The following ERC2 variants were observed in gnomAD, a reference collection of about 807,000 sequenced individuals.
ERC2 encodes ERC protein 2.
In ERC2, 42 loss-of-function variants were observed where a neutral mutation model predicts 114.8. The ratio of observed to expected loss-of-function variants is 0.37; its 90% CI spans 0.29 to 0.47. ERC2 has a LOEUF of 0.47. ERC2 is among the 20% of genes least tolerant of loss of function. The pLI is 0.99. For synonymous variants in ERC2, 454 were observed against 425.5 expected (o/e 1.07, Z -0.82); for missense variants, 939 against 1,150.7 (o/e 0.82, Z 2.66).
intron 14 of ERC2, among the ~76,000 whole-genome samples, chr3:55,766,276 A>G (rs77743021): frequency 6.7e-6 from 1 of 150,228 alleles, no homozygotes; most frequent in Non-Finnish European, 1.5e-5. Flanking sequence ...TCCACAAGAA[A>G]AAAAAAAAAA....
chr3:55,874,676 G>A (rs1019892176), intron 14 of ERC2, among the ~76,000 whole-genome samples: 1 of 152,080 alleles, frequency 6.6e-6, no homozygotes, highest in Admixed American at 6.6e-5. Context: ...AACAGAATTC[G>A]CCACAGATGA....
At chr3:55,992,838 T>C (rs1359907904) in intron 10 of ERC2, among the ~76,000 whole-genome samples, 1 of 152,198 alleles carries the variant, frequency 6.6e-6, no homozygotes, top group African/African-American at 2.4e-5. Flanking sequence ...CTAACAGTTA[T>C]ACCCATAAAT....
intron 2 of ERC2, among the ~76,000 whole-genome samples, chr3:56,312,758 A>C (rs2056653765): frequency 1.3e-5 from 2 of 151,480 alleles, no homozygotes; most frequent in African/African-American, 4.9e-5. Context: ...GAAAACCATG[A>C]GGAGTCTGTG....
At chr3:55,592,249 A>C (rs2057927161) in intron 17 of ERC2, among the ~76,000 whole-genome samples, 1 of 152,216 alleles carries the variant, frequency 6.6e-6, no homozygotes, top group African/African-American at 2.4e-5. Flanking sequence ...GTATCTGGGC[A>C]CAAGCTTTGC....
chr3:56,162,057 C>T (rs2082077369), intron 4 of ERC2, among the ~76,000 whole-genome samples: 1 of 152,082 alleles, frequency 6.6e-6, no homozygotes, highest in Non-Finnish European at 1.5e-5. Flanking sequence ...AGGTATGTTG[C>T]TTCAATGCCT....
chr3:56,323,299 G>T (rs147778557), intron 2 of ERC2, among the ~76,000 whole-genome samples: 1 of 152,166 alleles, frequency 6.6e-6, no homozygotes, highest in Non-Finnish European at 1.5e-5. Flanking sequence ...CACCCAAAAC[G>T]ATAGAGGAAA....
intron 1 of ERC2, among the ~76,000 whole-genome samples, chr3:56,464,896 A>G (rs2063473691): frequency 6.6e-6 from 1 of 152,170 alleles, no homozygotes; most frequent in Non-Finnish European, 1.5e-5. Flanking sequence ...GAAAAAAAAA[A>G]AGGCTAGAGG....
At chr3:56,321,211 G>A (rs1000840941) in intron 2 of ERC2, among the ~76,000 whole-genome samples, 2 of 152,086 alleles carry the variant, frequency 1.3e-5, no homozygotes, top group African/African-American at 4.8e-5. Flanking sequence ...CGTGTGAAAA[G>A]AGAAGACAAA....
chr3:55,837,972 A>T (rs1489831474), intron 14 of ERC2, among the ~76,000 whole-genome samples: 1 of 67,888 alleles, frequency 1.5e-5, no homozygotes, highest in African/African-American at 1.5e-4. Flanking sequence ...ACCAGGAATT[A>T]AAAAAAAAGA....
intron 7 of ERC2, among the ~76,000 whole-genome samples, chr3:56,036,995 C>A (rs192716399): frequency 6.6e-6 from 1 of 152,136 alleles, no homozygotes; most frequent in Non-Finnish European, 1.5e-5. Flanking sequence ...AAAGCAACAA[C>A]GACAACGACG....
At chr3:56,354,963 C>CAA (rs1409080119) in intron 2 of ERC2, among the ~76,000 whole-genome samples, 1 of 152,164 alleles carries the variant, frequency 6.6e-6, no homozygotes, top group Non-Finnish European at 1.5e-5. Flanking sequence ...ATAAATGAAA[C>CAA]AATATGCAGA....
At chr3:55,950,694 C>T (rs1233935600) in intron 12 of ERC2, 134 bp from the exon 13 acceptor site, 9 of 988,700 alleles carry the variant, frequency 9.1e-6, no homozygotes, top group South Asian at 3.2e-5. Flanking sequence ...TCTGAATAAT[C>T]CATTCATTCA....
At chr3:56,118,606 T>C (rs1408011622) in intron 6 of ERC2, among the ~76,000 whole-genome samples, 1 of 151,984 alleles carries the variant, frequency 6.6e-6, no homozygotes, top group East Asian at 1.9e-4. Flanking sequence ...TTCCCAGTTT[T>C]CTAAGGAAGT....
chr3:55,534,013 T>C (rs190144925), intron 17 of ERC2, among the ~76,000 whole-genome samples: 6 of 152,246 alleles, frequency 3.9e-5, no homozygotes. Flanking sequence ...TTACTGGTCA[T>C]GTGCCTTGGG....
At chr3:55,901,836 ATGT>A (rs2064152274) in intron 13 of ERC2, among the ~76,000 whole-genome samples, 1 of 152,228 alleles carries the variant, frequency 6.6e-6, no homozygotes, top group Non-Finnish European at 1.5e-5. Flanking sequence ...GATAATTTTC[ATGT>A]TGTAAATGCC....
At chr3:56,041,119 T>C (rs933224949) in intron 7 of ERC2, among the ~76,000 whole-genome samples, 1 of 152,160 alleles carries the variant, frequency 6.6e-6, no homozygotes, top group African/African-American at 2.4e-5. Flanking sequence ...ACAGGTTTCT[T>C]GGTATAATGG....
intron 17 of ERC2, among the ~76,000 whole-genome samples, chr3:55,610,060 C>CAAAAAAAAAAAAAAAAAA (rs1172154104): frequency 3.8e-4 from 19 of 50,422 alleles, no homozygotes; most frequent in East Asian, 1.9e-3. Flanking sequence ...CAAACAAACA[C>CAAAAAAAAAAAAAAAAAA]AAACAAAAAA....
At chr3:55,888,367 C>G (rs759618366) in intron 14 of ERC2, 22 bp downstream of exon 14, 2 of 1,613,040 alleles carry the variant, frequency 1.2e-6, no homozygotes, top group South Asian at 2.2e-5. Context: ...GAGAGGCTAC[C>G]AAAGCAGCAA....
At chr3:55,980,947 G>C (rs2070079727) in intron 12 of ERC2, among the ~76,000 whole-genome samples, 1 of 152,172 alleles carries the variant, frequency 6.6e-6, no homozygotes, top group African/African-American at 2.4e-5. Flanking sequence ...CACCATTCTA[G>C]AGGGTATAGA....
Sources: allele counts gnomAD v4.1 joint callset (sites outside exome capture counted in the v4.1 genomes callset), GRCh38; gene constraint gnomAD v4.1.1; transcripts MANE v1.5; gene names NCBI Gene and HGNC (gene_info 2026-07-23, HGNC 2026-07-21).